The following ANK3 variants were observed in gnomAD, a reference collection of about 807,000 sequenced individuals.
The protein encoded by ANK3 is ankyrin 3.
A neutral mutation model predicts 370.9 loss-of-function variants in ANK3; 57 were observed. The ratio of observed to expected loss-of-function variants is 0.15; its 90% CI spans 0.12 to 0.19. ANK3 has a LOEUF of 0.19. Among genes scored for constraint, ANK3 ranks in the 10% least tolerant of loss-of-function variants. The probability of loss-of-function intolerance (pLI) is 1.00; values close to 1 mark genes in which losing one functional copy is unlikely to be tolerated. For synonymous variants in ANK3, 1,929 were observed against 1,946.3 expected (o/e 0.99, Z 0.23); for missense variants, 4,439 against 5,302.1 (o/e 0.84, Z 5.06).
rs573798973 is a variant in ANK3, at chr10:60,259,388, C to T, written c.798+2471G>A. Among the ~76,000 whole-genome samples the T allele has an allele frequency of 5.9e-5, 9 of 152,234 alleles. No homozygotes were observed. In the South Asian group the frequency reaches 8.3e-4, roughly 14 times the overall value. ...GCCTTCAGCTCAGAATGCTATTAGA[C>T]CTCATTAATTAGGAAAGACTGGGAA... On this transcript the variant is annotated intron_variant, in intron 7 of 43. Transcript: ENST00000280772.
rs58386273 is a variant in ANK3 at position 60,180,594 on chromosome 10, C to CA, written c.2184+734dup. ...CTGGTAACAGAGTGAGACTCCGTCT[C>CA]AAAAAAAAAAAAAAAAAAACCAAAA... On this transcript the variant is annotated intron_variant, in intron 18 of 43. Transcript: ENST00000280772. Among the ~76,000 whole-genome samples the CA allele has an allele frequency of 7.1e-3, 447 of 63,022 alleles. 30 individuals carry two copies. Among genetic ancestry groups the CA allele is most frequent in the African/African-American group, 0.015 (216 of 14,532 alleles). 41.3% of individuals were successfully genotyped at this position (63,022 alleles called of 152,430 possible).
intron 1 of ANK3, among the ~76,000 whole-genome samples, chr10:60,644,455 C>T (rs565971917): frequency 6.6e-6 from 1 of 152,238 alleles, no homozygotes; most frequent in Admixed American, 6.5e-5. Context: ...ATACATTCAT[C>T]ACTAAATAAA....
chr10:60,357,531 A>G (rs1462173385), intron 1 of ANK3, among the ~76,000 whole-genome samples: 2 of 151,610 alleles, frequency 1.3e-5, no homozygotes, highest in South Asian at 4.2e-4. Flanking sequence ...CCATACCTTC[A>G]ATATGTATAA....
At chr10:60,277,492 A>G (rs1013409617) in intron 4 of ANK3, among the ~76,000 whole-genome samples, 1 of 152,214 alleles carries the variant, frequency 6.6e-6, no homozygotes, top group Non-Finnish European at 1.5e-5. Context: ...ATATGTTGAC[A>G]TTCTTCACTT....
intron 2 of ANK3, among the ~76,000 whole-genome samples, chr10:60,475,941 C>T (rs1379964643): frequency 6.6e-6 from 1 of 152,076 alleles, no homozygotes; most frequent in African/African-American, 2.4e-5. Flanking sequence ...GGTTTATAAT[C>T]CCAAAAAGAT....
chr10:60,408,648 G>C (rs1012137216), intron 2 of ANK3, among the ~76,000 whole-genome samples: 1 of 152,116 alleles, frequency 6.6e-6, no homozygotes, highest in Non-Finnish European at 1.5e-5. Context: ...TAACTCTAGA[G>C]AAATGAGCAG....
intron 30 of ANK3, 118 bp from the exon 31 acceptor site, chr10:60,085,371 C>T (rs1373833952): frequency 7.5e-6 from 5 of 665,094 alleles, no homozygotes; most frequent in Non-Finnish European, 1.3e-5. Context: ...TCAACACCTT[C>T]AGTTTAATAG....
chr10:60,708,712 C>G (rs2079654931), intron 1 of ANK3, among the ~76,000 whole-genome samples: 1 of 152,184 alleles, frequency 6.6e-6, no homozygotes, highest in South Asian at 2.1e-4. Context: ...CCTAGCATTT[C>G]TGTCTCACCT....
At chr10:60,037,647 T>C (rs2075331575) in intron 43 of ANK3, among the ~76,000 whole-genome samples, 1 of 152,204 alleles carries the variant, frequency 6.6e-6, no homozygotes, top group Non-Finnish European at 1.5e-5. Context: ...ACCTGCATAG[T>C]ATTCCATGGT....
At chr10:60,684,802 A>G (rs1178023345) in intron 1 of ANK3, 2 of 1,544,012 alleles carry the variant, frequency 1.3e-6, no homozygotes, top group Non-Finnish European at 1.8e-6. Context: ...TTTATTTCTT[A>G]TGGACTCTGT....
At chr10:60,305,165 A>G (rs2044732612) in intron 1 of ANK3, among the ~76,000 whole-genome samples, 1 of 152,178 alleles carries the variant, frequency 6.6e-6, no homozygotes. Context: ...ATAAACTTCC[A>G]GGACACACCC....
chr10:60,443,257 G>A (rs945855742), intron 2 of ANK3, among the ~76,000 whole-genome samples: 14 of 152,098 alleles, frequency 9.2e-5, no homozygotes, highest in Non-Finnish European at 1.5e-4. Context: ...ACATAAAGGT[G>A]GGAAAACATA....
chr10:60,613,919 C>CA (rs1366396465), intron 2 of ANK3, among the ~76,000 whole-genome samples: 2 of 152,076 alleles, frequency 1.3e-5, no homozygotes, highest in African/African-American at 2.4e-5. Flanking sequence ...ATGAAAAATA[C>CA]AAAAATTAGT....
intron 2 of ANK3, among the ~76,000 whole-genome samples, chr10:60,433,634 T>C (rs995392066): frequency 6.6e-6 from 1 of 151,758 alleles, no homozygotes; most frequent in Non-Finnish European, 1.5e-5. Flanking sequence ...AAAAAACAAA[T>C]GTTTAAGTTG....
intron 1 of ANK3, among the ~76,000 whole-genome samples, chr10:60,708,743 A>C (rs1405061845): frequency 6.6e-6 from 1 of 152,210 alleles, no homozygotes. Flanking sequence ...AGAAAGGCTG[A>C]GAAGCACTTG....
At chr10:60,161,757 G>T (rs1269848701) in intron 23 of ANK3, among the ~76,000 whole-genome samples, 1 of 152,066 alleles carries the variant, frequency 6.6e-6, no homozygotes, top group African/African-American at 2.4e-5. Context: ...GGATAAAGAG[G>T]GGATGGTTAA....
intron 2 of ANK3, among the ~76,000 whole-genome samples, chr10:60,443,497 AT>A (rs2064353845): frequency 6.6e-6 from 1 of 152,252 alleles, no homozygotes; most frequent in South Asian, 2.1e-4. Context: ...CAAATCACAG[AT>A]TTCTGAAGTG....
At chr10:60,507,725 A>G (rs2075976875) in intron 2 of ANK3, 1 of 152,046 alleles carries the variant, frequency 6.6e-6, no homozygotes. Flanking sequence ...AAAAAGCAAA[A>G]TGTTACTAAA....
chr10:60,416,600 T>C (rs1009344358), intron 2 of ANK3, among the ~76,000 whole-genome samples: 1 of 152,176 alleles, frequency 6.6e-6, no homozygotes, highest in African/African-American at 2.4e-5. Flanking sequence ...TTTGGAATGA[T>C]GGAAAAGTTC....
Sources: allele counts gnomAD v4.1 joint callset (sites outside exome capture counted in the v4.1 genomes callset), GRCh38; gene constraint gnomAD v4.1.1; transcripts MANE v1.5; gene names NCBI Gene and HGNC (gene_info 2026-07-23, HGNC 2026-07-21).